MED16: variants seen among roughly 807,000 people sequenced by gnomAD.
MED16 encodes mediator of RNA polymerase II transcription subunit 16.
MED16 carries 81 observed loss-of-function variants against 84.4 expected under a neutral mutation model. That is an observed-to-expected ratio of 0.96 (90% CI 0.80 to 1.15). MED16 has a LOEUF of 1.15. Ranked by LOEUF, MED16 falls within the 50% of genes most tolerant of loss-of-function variation. MED16 has a pLI of 0.00. For missense variants in MED16, 1,585 were observed against 1,245.9 expected, an observed-to-expected ratio of 1.27 and a Z score of -4.10; for synonymous variants, 897 against 552.2, an observed-to-expected ratio of 1.62 and a Z score of -8.76.
At chr19:878,452 C>A (rs1599330044) in intron 8 of MED16, among the ~76,000 whole-genome samples, 1 of 135,348 alleles carries the variant, frequency 7.4e-6, no homozygotes, top group African/African-American at 2.8e-5. Context: ...CCGGCCCCGG[C>A]CCCACGTGCC....
At chr19:870,642 G>A (rs2036025425) in intron 13 of MED16, among the ~76,000 whole-genome samples, 1 of 151,618 alleles carries the variant, frequency 6.6e-6, no homozygotes, top group African/African-American at 2.4e-5. Context: ...TGACACAGCA[G>A]AAGACACCAC....
Position 890,214 on chromosome 19 carries a change from G to A in MED16, c.200C>T (p.Thr67Met), listed in dbSNP as rs376663922. The A allele has an allele frequency of 7.1e-6, 11 of 1,553,996 alleles. No homozygotes were observed. The highest frequency in any genetic ancestry group is 5.9e-5 in the Admixed American group (3 of 51,166). Residue 67 changes from threonine to methionine, a missense_variant, in exon 3 of 16, where the codon ACG becomes ATG. Physicochemically the swap from Thr to Met is moderately conservative, Grantham distance 81 (BLOSUM62 -1). Transcript: ENST00000325464. ...CGAGTGCAGGTCCCAGGGGTGCTCC[G>A]TGTCCAGGATGTGGATCATGCGGGT... ...DLTRMIHILD[T>M]EHPWDLHSIP... is the part of the protein sequence containing the mutation.
intron 13 of MED16, among the ~76,000 whole-genome samples, chr19:869,254 G>A (rs999554506): frequency 6.6e-6 from 1 of 152,196 alleles, no homozygotes; most frequent in Non-Finnish European, 1.5e-5. Context: ...CACGTGCCCG[G>A]GGAGCCTGAG....
In MED16 at chr19:886,099, C is replaced by A; in HGVS notation, c.550G>T (p.Val184Phe). ...AGGGACACGGTGACCAGGCCGCTGA[C>A]CGTCACCGCGATCCAGCCCTCCATG... ...KPMEGWIAVT[V>F]SGLVTVSLLK... The change falls in exon 5 of 16, where the codon GTC (valine) becomes TTC (phenylalanine). Residue 184 changes from valine (V) to phenylalanine (F), a missense_variant. By Grantham distance (50) the Val-to-Phe change is conservative. Coordinates refer to ENST00000325464, the MANE Select transcript of MED16 (RefSeq NM_005481.3). 6.3e-7 allele frequency: 1 copy of A among 1,589,978 alleles called. No homozygotes were observed. The highest frequency in any genetic ancestry group is 1.1e-5 in the South Asian group (1 of 90,642).
At chr19:892,971 C>A (rs952578672) in intron 1 of MED16, 115 bp downstream of exon 1, 4 of 151,592 alleles carry the variant, frequency 2.6e-5, no homozygotes, top group African/African-American at 9.8e-5. Context: ...CCTTTGCTCC[C>A]GGCCACGCCC....
chr19:869,568 T>G (rs1165755159), intron 13 of MED16, among the ~76,000 whole-genome samples: 1 of 152,114 alleles, frequency 6.6e-6, no homozygotes, highest in Non-Finnish European at 1.5e-5. Context: ...GTGTGACTCA[T>G]TAGGAGGCCC....
At position 868,226 on chromosome 19, in the gene MED16, C is replaced by T. The variant is rs149297998; in HGVS notation, c.2509G>A (p.Ala837Thr). ...TCAGAAGCTCTGCTGGTCACGCAGGCGTCCGGCCCACGGCCTTCAACAGCC... is the reference window on the plus strand; with the variant it reads ...TCAGAAGCTCTGCTGGTCACGCAGGTGTCCGGCCCACGGCCTTCAACAGCC... Reference protein sequence around the residue: ...CLAVEGRGPDACVTSRASEEA... With the variant: ...CLAVEGRGPDTCVTSRASEEA... Residue 837 changes from alanine (A) to threonine (T), a missense_variant, in exon 16 of 16, where the codon GCC (alanine) becomes ACC (threonine). Coordinates refer to ENST00000325464, the MANE Select transcript of MED16 (RefSeq NM_005481.3). The T allele has an allele frequency of 1.7e-5, 27 of 1,599,186 alleles. No individual in the cohort carries two copies. Among genetic ancestry groups the T allele is most frequent in the Admixed American group, 3.5e-5 (2 of 57,338 alleles).
chr19:876,127 G>A (rs990509534), intron 9 of MED16, among the ~76,000 whole-genome samples: 1 of 152,178 alleles, frequency 6.6e-6, no homozygotes, highest in South Asian at 2.1e-4. Context: ...AGGCTGTGCC[G>A]TGAATGGGAT....
chr19:875,188 A>G, intron 10 of MED16, 56 bp downstream of exon 10: 1 of 1,201,378 alleles, frequency 8.3e-7, no homozygotes. Context: ...AATAAATAAA[A>G]ATAAAATAAA....
intron 8 of MED16, among the ~76,000 whole-genome samples, chr19:877,672 G>A (rs2036285412): frequency 7.9e-6 from 1 of 126,924 alleles, no homozygotes; most frequent in African/African-American, 3.2e-5. Flanking sequence ...AGACCCACGT[G>A]CCCCAGCAGC....
intron 10 of MED16, 74 bp downstream of exon 10, chr19:875,170 G>C (rs896667362): frequency 1.9e-6 from 2 of 1,075,586 alleles, no homozygotes; most frequent in Admixed American, 5.8e-5. Context: ...TCTCAAAAGA[G>C]TAAAAAAAAT....
In MED16 at chr19:872,035, G is replaced by A. The variant is rs766919677; in HGVS notation, c.1989C>T (p.Arg663=). The change falls in exon 12 of 16, where the codon CGC becomes CGT. Residue 663 remains arginine (R), a synonymous_variant. Transcript: ENST00000325464. ...AGCTGGGCTTCAGAAGGCCCCAGAT[G>A]CGGATGACCACCATCAATTCCCGAA... is the stretch of plus-strand genomic sequence containing the variant. ...GMLRELMVVI[R]IWGLLKPSCL... The A allele has an allele frequency of 1.5e-5, 24 of 1,609,988 alleles. No individual in the cohort carries two copies. In the African/African-American group the frequency reaches 2.4e-4, roughly 16 times the overall value.
At chr19:877,685 G>C (rs142617617) in intron 8 of MED16, among the ~76,000 whole-genome samples, 3 of 53,920 alleles carry the variant, frequency 5.6e-5, no homozygotes, top group African/African-American at 2.2e-4. Context: ...CCAGCAGCTC[G>C]CCTTCCCCTG....
intron 6 of MED16, 152 bp from the exon 7 acceptor site, chr19:881,866 G>A (rs925612609): frequency 7.0e-5 from 66 of 945,014 alleles, no homozygotes; most frequent in Admixed American, 7.0e-4. Flanking sequence ...GACCAGGCCC[G>A]GCCAATCCGA....
chr19:868,868 G>A lies in MED16; in HGVS notation c.2394C>T (p.Cys798=), dbSNP rs2035979078. 17 of 1,548,776 alleles carry A rather than the reference G, an allele frequency of 1.1e-5. No individual in the cohort carries two copies. Among genetic ancestry groups the A allele is most frequent in the Admixed American group, 2.0e-5 (1 of 50,810 alleles). ...GACPTEECKA[C]TRCGCVTMLK... is the part of the protein sequence containing the mutation. ...CGGTTCCGGGGGCCCCTCACCTGGT[G>A]CAGGCCTTGCATTCCTCCGTGGGGC... The change falls in exon 14 of 16, where the codon TGC becomes TGT. Residue 798 remains cysteine, a synonymous_variant. Coordinates refer to ENST00000325464, the MANE Select transcript of MED16 (RefSeq NM_005481.3).
At chr19:869,381 G>A (rs1056568825) in intron 13 of MED16, among the ~76,000 whole-genome samples, 2 of 143,058 alleles carry the variant, frequency 1.4e-5, no homozygotes, top group Admixed American at 6.9e-5. Context: ...ACCTCTGAAC[G>A]ACAAGATTCT....
chr19:869,613 G>C (rs2035998655), intron 13 of MED16, among the ~76,000 whole-genome samples: 1 of 152,196 alleles, frequency 6.6e-6, no homozygotes, highest in Non-Finnish European at 1.5e-5. Context: ...AAATGCTGGA[G>C]GTCCTAGAGC....
chr19:880,650 T>C (rs1599334237), intron 7 of MED16, among the ~76,000 whole-genome samples: 1 of 152,196 alleles, frequency 6.6e-6, no homozygotes, highest in African/African-American at 2.4e-5. Flanking sequence ...CCGGGCGCGG[T>C]GGCTCACGCC....
chr19:873,333 GACTCCAACTA>G (rs1428603169), intron 11 of MED16, 106 bp downstream of exon 11: 6 of 314,428 alleles, frequency 1.9e-5, no homozygotes, highest in African/African-American at 1.6e-4. Flanking sequence ...GTAGGGGCGG[GACTCCAACTA>G]GGGGCGGGGC....
Sources: gnomAD v4.1 joint callset for allele counts (sites outside exome capture counted in the v4.1 genomes callset) on GRCh38, gnomAD v4.1.1 for gene constraint, MANE v1.5 for transcripts, NCBI Gene and HGNC (gene_info 2026-07-23, HGNC 2026-07-21) for gene names.